The following PLCG2 variants were observed in gnomAD, a reference collection of about 807,000 sequenced individuals.
PLCG2 encodes the protein 1-phosphatidylinositol 4,5-bisphosphate phosphodiesterase gamma-2.
In PLCG2, 69 loss-of-function variants were observed where a neutral mutation model predicts 175.6. The observed-to-expected ratio is 0.39, with a 90% CI of 0.32 to 0.48. PLCG2 has a LOEUF of 0.48. Among genes scored for constraint, PLCG2 ranks in the 20% least tolerant of loss-of-function variants. The pLI is 0.91. For synonymous variants in PLCG2, 827 were observed against 624.0 expected (o/e 1.33, Z -4.85); for missense variants, 1,798 against 1,650.9 (o/e 1.09, Z -1.54).
At chr16:81,927,002 G>C in intron 22 of PLCG2, 80 bp from the exon 23 acceptor site, 2 of 874,218 alleles carry the variant, frequency 2.3e-6, no homozygotes, top group Non-Finnish European at 3.9e-6. Flanking sequence ...AATTGAGCCA[G>C]CAGCCGGGTG....
At chr16:81,821,971 C>A (rs981653241) in intron 2 of PLCG2, among the ~76,000 whole-genome samples, 2 of 151,984 alleles carry the variant, frequency 1.3e-5, no homozygotes, top group Non-Finnish European at 2.9e-5. Context: ...TGGGCAAATT[C>A]CTTAACTTCG....
At chr16:81,902,431 G>A (rs4888185) in intron 14 of PLCG2, among the ~76,000 whole-genome samples, 139,259 of 152,246 alleles carry the variant, frequency 0.91, 63,757 homozygotes, top group East Asian at 0.97. Context: ...ACTTCTAGTT[G>A]TGTCCTCACA....
chr16:81,800,825 A>T (rs1911687191), intron 2 of PLCG2, among the ~76,000 whole-genome samples: 1 of 152,020 alleles, frequency 6.6e-6, no homozygotes, highest in Non-Finnish European at 1.5e-5. Flanking sequence ...AGATCTTGAG[A>T]TGGGGAGATG....
intron 13 of PLCG2, among the ~76,000 whole-genome samples, chr16:81,899,518 T>G (rs1387332821): frequency 6.6e-6 from 1 of 152,190 alleles, no homozygotes; most frequent in East Asian, 1.9e-4. Flanking sequence ...ATGAGACTCA[T>G]GCGATGCACA....
intron 1 of PLCG2, among the ~76,000 whole-genome samples, chr16:81,745,079 T>C (rs1472768106): frequency 1.3e-5 from 2 of 152,290 alleles, no homozygotes; most frequent in East Asian, 3.9e-4. Context: ...TATAAGATGA[T>C]TAAGTGCTGG....
chr16:81,781,767 A>G (rs78620323), intron 1 of PLCG2, among the ~76,000 whole-genome samples: 2,275 of 152,140 alleles, frequency 0.015, 64 homozygotes, highest in African/African-American at 0.052. Context: ...GGATTTTTGG[A>G]TGAAATCCTG....
rs749739675 is a variant in PLCG2 at position 81,936,368 on chromosome 16, C to G, written c.3042C>G (p.Phe1014Leu). The change falls in exon 27 of 33, where the codon TTC (phenylalanine) becomes TTG (leucine). Residue 1014 changes from phenylalanine to leucine, a missense_variant. Transcript: ENST00000564138. ...GTTCTCAGATGGTGGCACTCAATTT[C>G]CAGACGGCAGGTAAAGGCCGACTGA... ...LCGSQMVALNFQTADKYMQMN... is the reference protein window; with the variant it reads ...LCGSQMVALNLQTADKYMQMN... 1.2e-6 allele frequency: 2 copies of G among 1,613,706 alleles called. No individual in the cohort carries two copies. The highest frequency in any genetic ancestry group is 8.5e-7 in the Non-Finnish European group (1 of 1,179,966).
chr16:81,859,684 G>C (rs527623077), intron 5 of PLCG2, among the ~76,000 whole-genome samples: 1 of 152,136 alleles, frequency 6.6e-6, no homozygotes, highest in South Asian at 2.1e-4. Flanking sequence ...ACAGGCACCC[G>C]CCACCATGCC....
At chr16:81,945,968 T>C (rs183914399) in intron 30 of PLCG2, among the ~76,000 whole-genome samples, 36 of 152,306 alleles carry the variant, frequency 2.4e-4, no homozygotes, top group African/African-American at 7.5e-4. Flanking sequence ...CTTGCTTCCC[T>C]GTATGGACCA....
At position 81,893,700 on chromosome 16, in the gene PLCG2, C is replaced by G. The variant is rs1200219084; in HGVS notation, c.987-9C>G. On this transcript the variant is annotated splice_polypyrimidine_tract_variant and intron_variant, in intron 11 of 32. Transcript: ENST00000564138. ...ACTCTCACACGGCCACCTGCCTTCT[C>G]TCCTGCAGGTACCTTACAGGTGACC... 1 of 1,596,152 alleles carries G rather than the reference C, an allele frequency of 6.3e-7. No homozygotes were observed. Among genetic ancestry groups the G allele is most frequent in the African/African-American group, 1.3e-5 (1 of 74,760 alleles).
At chr16:81,877,298 C>CA (rs202065168) in intron 7 of PLCG2, among the ~76,000 whole-genome samples, 17,976 of 151,986 alleles carry the variant, frequency 0.12, 1,261 homozygotes, top group Non-Finnish European at 0.17. Context: ...ACTAAAAATA[C>CA]AAAAAAAATT....
At chr16:81,763,076 C>A (rs571700611) in intron 2 of PLCG2, among the ~76,000 whole-genome samples, 23 of 152,142 alleles carry the variant, frequency 1.5e-4, no homozygotes, top group African/African-American at 5.5e-4. Context: ...ATTAAATCAA[C>A]AAAAAATAAG....
At chr16:81,810,495 C>A (rs1724238247) in intron 2 of PLCG2, among the ~76,000 whole-genome samples, 1 of 152,200 alleles carries the variant, frequency 6.6e-6, no homozygotes, top group South Asian at 2.1e-4. Context: ...CTTGGTGATG[C>A]AGACTGGTGA....
At chr16:81,799,768 T>G (rs1029616905) in intron 2 of PLCG2, among the ~76,000 whole-genome samples, 2 of 151,912 alleles carry the variant, frequency 1.3e-5, no homozygotes, top group Non-Finnish European at 2.9e-5. Flanking sequence ...AATTTTTTTG[T>G]ATTTTTAGTG....
intron 19 of PLCG2, among the ~76,000 whole-genome samples, chr16:81,913,566 C>T (rs1037062063): frequency 6.6e-6 from 1 of 152,238 alleles, no homozygotes; most frequent in East Asian, 1.9e-4. Flanking sequence ...GGCCTGGGGG[C>T]CAAATCTCCA....
intron 1 of PLCG2, among the ~76,000 whole-genome samples, chr16:81,752,617 C>T (rs906857534): frequency 1.3e-5 from 2 of 152,180 alleles, no homozygotes. Context: ...GAGAGGTGGT[C>T]CCCTTAGCTC....
intron 2 of PLCG2, among the ~76,000 whole-genome samples, chr16:81,853,711 T>A (rs1906538960): frequency 6.6e-6 from 1 of 152,114 alleles, no homozygotes; most frequent in Non-Finnish European, 1.5e-5. Flanking sequence ...TTATACTACA[T>A]TTTATTGGTT....
intron 2 of PLCG2, among the ~76,000 whole-genome samples, chr16:81,762,723 C>A (rs896472092): frequency 6.6e-6 from 1 of 152,164 alleles, no homozygotes; most frequent in Non-Finnish European, 1.5e-5. Context: ...AAAGAATACA[C>A]CACTGCAATA....
upstream of PLCG2, among the ~76,000 whole-genome samples, chr16:81,775,994 A>C (rs376754563): frequency 3.9e-4 from 59 of 152,010 alleles, 1 homozygote; most frequent in East Asian, 0.01. Context: ...CCACTGACTT[A>C]ACCCACTCTA....
Sources: allele counts gnomAD v4.1 joint callset (sites outside exome capture counted in the v4.1 genomes callset), GRCh38; gene constraint gnomAD v4.1.1; transcripts MANE v1.5; gene names NCBI Gene and HGNC (gene_info 2026-07-23, HGNC 2026-07-21).